PNPLA7: variants seen among roughly 807,000 people sequenced by gnomAD.
PNPLA7 encodes patatin-like phospholipase domain-containing protein 7.
In PNPLA7, 153 loss-of-function variants were observed where a neutral mutation model predicts 161.7. The observed-to-expected ratio is 0.95, with a 90% CI of 0.83 to 1.08. The LOEUF (loss-of-function observed/expected upper bound fraction) is 1.08, where lower values mean the gene tolerates loss of function less well. PNPLA7 is among the 50% of genes least tolerant of loss of function. The pLI, the probability that PNPLA7 is intolerant of heterozygous loss-of-function variation, is 0.00. For synonymous variants in PNPLA7, 809 were observed against 782.1 expected (o/e 1.03, Z -0.57); for missense variants, 1,739 against 1,856.6 (o/e 0.94, Z 1.16).
intron 8 of PNPLA7, among the ~76,000 whole-genome samples, chr9:137,534,249 C>G (rs776887415): frequency 1.6e-4 from 24 of 148,430 alleles, no homozygotes; most frequent in Non-Finnish European, 2.8e-4. Flanking sequence ...CCACTCCAGG[C>G]GGGAGCACTC....
intron 12 of PNPLA7, among the ~76,000 whole-genome samples, chr9:137,510,807 C>T (rs971594243): frequency 2.1e-4 from 32 of 152,308 alleles, no homozygotes; most frequent in African/African-American, 7.2e-4. Context: ...GCAGTGCCCC[C>T]GTGTGGGCGG....
chr9:137,477,977 G>A lies in PNPLA7; in HGVS notation c.2882+57C>T, dbSNP rs1470856948. 2.4e-5 allele frequency: 30 copies of A among 1,250,916 alleles called. No homozygotes were observed. The South Asian group carries it at 7.4e-4, about 31-fold the overall frequency. 77.5% of individuals were successfully genotyped at this position (1,250,916 alleles called of 1,614,324 possible). A position where few individuals can be genotyped will look rare whatever the true frequency, so the allele number is the denominator to read the frequency against. On this transcript the variant is annotated intron_variant, in intron 25 of 34. Coordinates refer to ENST00000406427, the MANE Select transcript of PNPLA7 (RefSeq NM_001098537.3). Reference sequence around the variant, plus strand: ...CACCCAGCACCTCCTAGCACCCGAGGGGGCGACTGTCACCACACACACCAG... The same window carrying A: ...CACCCAGCACCTCCTAGCACCCGAGAGGGCGACTGTCACCACACACACCAG...
rs1008218606 is a variant in PNPLA7, at chr9:137,467,477, C to T, written c.2883-4G>A. ...AACGCCCACCTGGGCACAGCCTCTA[C>T]ACCAGCCAGGGACACAGAGCAAGGA... On this transcript the variant is annotated splice_polypyrimidine_tract_variant and splice_region_variant and intron_variant, in intron 25 of 34. Transcript: ENST00000406427. The surrounding 1 kb of genome is among the most constrained non-coding windows in gnomAD (Gnocchi z 5.1). 5 of 1,612,500 alleles carry T rather than the reference C, an allele frequency of 3.1e-6. No homozygotes were observed. The highest frequency in any genetic ancestry group is 2.2e-5 in the South Asian group (2 of 91,056).
Position 137,501,929 on chromosome 9 carries a change from G to A in PNPLA7, c.1474-202C>T, listed in dbSNP as rs138063992. ...GCCACCGATGCCAAACCAGGGCATC[G>A]GCACAGAGACAGACACCAAACAGTG... On this transcript the variant is annotated intron_variant, in intron 14 of 34. Transcript: ENST00000406427. 4.6e-5 allele frequency among the ~76,000 whole-genome samples: 7 copies of A among 152,358 alleles called. 1 individual carries two copies. The highest frequency in any genetic ancestry group is 3.9e-4 in the East Asian group (2 of 5,190).
Position 137,524,925 on chromosome 9 carries a change from G to A in PNPLA7, c.748-2068C>T, listed in dbSNP as rs1172515189. On this transcript the variant is annotated intron_variant, in intron 8 of 34. Coordinates refer to ENST00000406427, the MANE Select transcript of PNPLA7 (RefSeq NM_001098537.3). This position sits in a 1 kb window ranked among gnomAD's most constrained non-coding sequence, Gnocchi z 4.4. The stretch of plus-strand genomic sequence containing the variant: ...TGGTGCCACCATGTCGCATAATAAA[G>A]AATTTAGCTGGTCTTGTCTTCAGTT... Among the ~76,000 whole-genome samples the A allele has an allele frequency of 1.3e-5, 2 of 152,226 alleles. No homozygotes were observed. The highest frequency in any genetic ancestry group is 2.9e-5 in the Non-Finnish European group (2 of 68,040).
intron 17 of PNPLA7, 50 bp from the exon 18 acceptor site, chr9:137,497,360 C>T: frequency 1.4e-6 from 2 of 1,427,634 alleles, no homozygotes; most frequent in Non-Finnish European, 9.3e-7. Context: ...GCCTCAGCCT[C>T]CACACCCAGC....
In PNPLA7 at chr9:137,539,696, G is replaced by C. The variant is rs370563559; in HGVS notation, c.747+946C>G. ...ATTCTAGTTAATGTTGGGCACATGG[G>C]GTGATTTTACTATTTTTGCACATTT... On this transcript the variant is annotated intron_variant, in intron 8 of 34. Transcript: ENST00000406427. 5.6e-4 allele frequency among the ~76,000 whole-genome samples: 85 copies of C among 152,266 alleles called. No individual in the cohort carries two copies. The East Asian group carries it at 0.016, about 29-fold the overall frequency.
intron 8 of PNPLA7, among the ~76,000 whole-genome samples, chr9:137,528,995 C>A (rs957919735): frequency 6.6e-6 from 1 of 151,940 alleles, no homozygotes; most frequent in Non-Finnish European, 1.5e-5. Context: ...CCACCGCGCC[C>A]GGCCTTTTTT....
Position 137,478,053 on chromosome 9 carries a change from G to T in PNPLA7, c.2863C>A (p.Leu955Ile). ...ACTCACCTTGCTCCCCCTCCCCCAA[G>T]CACCAGGGCAATGGCGTTGCCCGTC... ...VLTGNAIALVLGGGGARGCAQ... is the reference protein window; with the variant it reads ...VLTGNAIALVIGGGGARGCAQ... The change falls in exon 25 of 35, where the codon CTT becomes ATT. Residue 955 changes from leucine to isoleucine, a missense_variant. Around this residue, in one of 6 missense-constraint regions of PNPLA7, gnomAD observed 703 missense variants for 694.6 expected, o/e 1.01. Transcript: ENST00000406427. 1 of 1,434,220 alleles carries T rather than the reference G, an allele frequency of 7.0e-7. No homozygotes were observed. The highest frequency in any genetic ancestry group is 9.2e-7 in the Non-Finnish European group (1 of 1,090,226). 88.8% of individuals were successfully genotyped at this position (1,434,220 alleles called of 1,614,324 possible).
At chr9:137,475,010 CAAAAAAA>C (rs58417100) in intron 25 of PNPLA7, among the ~76,000 whole-genome samples, 1,203 of 63,616 alleles carry the variant, frequency 0.019, 23 homozygotes, top group African/African-American at 0.077. Flanking sequence ...GACTCTGCCT[CAAAAAAA>C]AAAAAAAAAA....
intron 12 of PNPLA7, among the ~76,000 whole-genome samples, chr9:137,512,741 A>T (rs986089234): frequency 6.6e-5 from 10 of 151,878 alleles, no homozygotes; most frequent in African/African-American, 2.4e-4. Context: ...GGAGTTCGAA[A>T]CCAGCCTGGG....
intron 12 of PNPLA7, among the ~76,000 whole-genome samples, chr9:137,512,133 A>C (rs535890876): frequency 6.6e-6 from 1 of 152,240 alleles, no homozygotes; most frequent in Non-Finnish European, 1.5e-5. Flanking sequence ...GTCTTTGCAC[A>C]TGAAGAGAAA....
At chr9:137,539,127 G>A (rs544041953) in intron 8 of PNPLA7, among the ~76,000 whole-genome samples, 2 of 152,224 alleles carry the variant, frequency 1.3e-5, no homozygotes, top group South Asian at 4.2e-4. Context: ...GCCAAGGCAG[G>A]CAGATTATGA....
In PNPLA7 at chr9:137,506,081, C is replaced by A. The variant is rs1303934641; in HGVS notation, c.1228G>T (p.Gly410Cys). Residue 410 changes from glycine (G) to cysteine (C), a missense_variant and splice_region_variant, in exon 13 of 35, where the codon GGC becomes TGC. Gly to Cys is a radical substitution (Grantham distance 159). Coordinates refer to ENST00000406427, the MANE Select transcript of PNPLA7 (RefSeq NM_001098537.3). ...AGATCAGAAGTGGCACTGCCTGGGC[C>A]CCCTACACACAGAGGGGACACTCAG... ...GDPDPSAPQG[G>C]PGSATSDLGM... 6.2e-7 allele frequency: 1 copy of A among 1,610,876 alleles called. No individual in the cohort carries two copies. Among genetic ancestry groups the A allele is most frequent in the South Asian group, 1.1e-5 (1 of 90,416 alleles).
At chr9:137,462,531 G>A (rs1375769408) in intron 30 of PNPLA7, 154 bp downstream of exon 30, 8 of 1,391,126 alleles carry the variant, frequency 5.8e-6, no homozygotes, top group African/African-American at 2.9e-5. Context: ...GCCTTCCTTC[G>A]CCCGAGTTGG....
chr9:137,463,644 C>T (rs111881788), intron 28 of PNPLA7, 113 bp from the exon 29 acceptor site: 20 of 737,400 alleles, frequency 2.7e-5, no homozygotes, highest in African/African-American at 1.6e-4. Flanking sequence ...TCTCTGAGGC[C>T]GCCTCCACAG....
intron 33 of PNPLA7, chr9:137,461,080 G>A: frequency 5.6e-6 from 2 of 357,708 alleles, no homozygotes; most frequent in Non-Finnish European, 1.0e-5. Context: ...TCGGCCTGCG[G>A]CAGCCATGAA....
Position 137,540,517 on chromosome 9 carries a change from G to C in PNPLA7, c.747+125C>G, listed in dbSNP as rs1203402422. ...TTCCCTCCTTCCTGGACCAAACCCT[G>C]CTCCCCTCACATCACTGTGGAGAAC... is the stretch of plus-strand genomic sequence containing the variant. On this transcript the variant is annotated intron_variant, in intron 8 of 34. Coordinates refer to ENST00000406427, the MANE Select transcript of PNPLA7 (RefSeq NM_001098537.3). This position sits in a 1 kb window ranked among gnomAD's most constrained non-coding sequence, Gnocchi z 5.1. The C allele has an allele frequency of 2.4e-6, 2 of 835,512 alleles. No homozygotes were observed. Among genetic ancestry groups the C allele is most frequent in the Admixed American group, 4.6e-5 (2 of 43,376 alleles). 51.8% of individuals were successfully genotyped at this position (835,512 alleles called of 1,614,324 possible).
chr9:137,496,186 G>A (rs1833049721), intron 18 of PNPLA7, among the ~76,000 whole-genome samples: 1 of 149,772 alleles, frequency 6.7e-6, no homozygotes, highest in Admixed American at 6.7e-5. Context: ...TGCACAGGCT[G>A]GAGTGCCGCC....
Sources: allele counts gnomAD v4.1 joint callset (sites outside exome capture counted in the v4.1 genomes callset), GRCh38; gene constraint gnomAD v4.1.1; regional missense constraint gnomAD v4.1.1; non-coding constraint Gnocchi (gnomAD v3.1); transcripts MANE v1.5; gene names NCBI Gene and HGNC (gene_info 2026-07-23, HGNC 2026-07-21).